Variants in RSF1 observed in about 807,000 individuals in gnomAD.
RSF1 encodes the protein HBV pX-associated protein 8.
RSF1 carries 13 observed loss-of-function variants against 145.2 expected under a neutral mutation model. That is an observed-to-expected ratio of 0.09 (90% confidence interval 0.06 to 0.14). The LOEUF (loss-of-function observed/expected upper bound fraction) is 0.14. Ranked by LOEUF, RSF1 falls within the 10% of genes least tolerant of loss-of-function variation. RSF1 has a pLI of 1.00. For missense variants in RSF1, 1,517 were observed against 1,718.2 expected, an observed-to-expected ratio of 0.88 and a Z score of 2.07; for synonymous variants, 577 against 592.6, an observed-to-expected ratio of 0.97 and a Z score of 0.38.
At chr11:77,760,084 A>G (rs1948156794) in intron 2 of RSF1, among the ~76,000 whole-genome samples, 1 of 152,198 alleles carries the variant, frequency 6.6e-6, no homozygotes, top group African/African-American at 2.4e-5. Flanking sequence ...AGTTATATAC[A>G]GGAGAGAAGT....
At chr11:77,756,704 TGTTAACCTCAG>T (rs1948119668) in intron 2 of RSF1, among the ~76,000 whole-genome samples, 1 of 152,198 alleles carries the variant, frequency 6.6e-6, no homozygotes, top group Admixed American at 6.5e-5. Context: ...TTGAAAGTAA[TGTTAACCTCAG>T]GAGGAAAGTA....
At position 77,807,350 on chromosome 11, in the gene RSF1, C is replaced by T. The variant is rs1028875224; in HGVS notation, c.187+13178G>A. ...AATTAGGTACTTGCTCATTTATATT[C>T]CCAAAGCACCCTAGAATTACTCTAA... On this transcript the variant is annotated intron_variant, in intron 1 of 15. Coordinates refer to ENST00000308488, the MANE Select transcript of RSF1 (RefSeq NM_016578.4). Among the ~76,000 whole-genome samples the T allele has an allele frequency of 2.6e-5, 4 of 152,146 alleles. No individual in the cohort carries two copies. The East Asian group carries it at 7.7e-4, about 29-fold the overall frequency.
chr11:77,735,562 G>C (rs1034938599), intron 4 of RSF1, among the ~76,000 whole-genome samples: 6 of 151,836 alleles, frequency 4.0e-5, no homozygotes, highest in Non-Finnish European at 8.8e-5. Context: ...CGATCACCAA[G>C]AAAATAATAC....
intron 4 of RSF1, among the ~76,000 whole-genome samples, chr11:77,738,061 G>A (rs556054640): frequency 1.3e-5 from 2 of 152,302 alleles, no homozygotes; most frequent in African/African-American, 2.4e-5. Flanking sequence ...CCCGGAAGGC[G>A]GAGCTTGCAG....
the RSF1 span, among the ~76,000 whole-genome samples, chr11:77,864,127 A>G: frequency 6.6e-6 from 1 of 151,862 alleles, no homozygotes; most frequent in East Asian, 2.0e-4. Context: ...GAGTTTCACC[A>G]TGTTTGCCAG....
chr11:77,711,483 AT>A (rs149546354), intron 5 of RSF1, among the ~76,000 whole-genome samples: 2,119 of 152,246 alleles, frequency 0.014, 49 homozygotes, highest in African/African-American at 0.047. Flanking sequence ...CCTGGCCAAC[AT>A]GGTGAAACAC....
chr11:77,676,264 A>C (rs1959698452), intron 13 of RSF1, among the ~76,000 whole-genome samples: 1 of 150,036 alleles, frequency 6.7e-6, no homozygotes, highest in Non-Finnish European at 1.5e-5. Flanking sequence ...TTTTAGTAGC[A>C]GTTATGCAGA....
At chr11:77,824,600 G>A (rs968955988), upstream of RSF1, among the ~76,000 whole-genome samples, 1 of 152,098 alleles carries the variant, frequency 6.6e-6, no homozygotes, top group Non-Finnish European at 1.5e-5. Context: ...AAAACATGTT[G>A]AGTAAAAGAA....
At chr11:77,849,038 C>CT in the RSF1 span, among the ~76,000 whole-genome samples, 157 of 140,116 alleles carry the variant, frequency 1.1e-3, no homozygotes, top group Admixed American at 1.6e-3. Context: ...AGTGGTGCTC[C>CT]TTTTTTTTTT....
chr11:77,772,798 T>C (rs955857053), intron 1 of RSF1, among the ~76,000 whole-genome samples: 2 of 149,428 alleles, frequency 1.3e-5, no homozygotes, highest in Non-Finnish European at 3.0e-5. Context: ...TCACACTCTT[T>C]TCAGACTGGA....
At chr11:77,795,127 T>C (rs1456951849) in intron 1 of RSF1, among the ~76,000 whole-genome samples, 2 of 151,858 alleles carry the variant, frequency 1.3e-5, no homozygotes, top group Non-Finnish European at 2.9e-5. Context: ...TACCTACAAA[T>C]ACATTTAAAC....
chr11:77,866,554 T>C, the RSF1 span: 1 of 152,192 alleles, frequency 6.6e-6, no homozygotes, highest in Admixed American at 6.5e-5. Flanking sequence ...AGTTCATCAC[T>C]TGAGTTCCAT....
At chr11:77,696,160 A>C (rs1960273023) in intron 7 of RSF1, among the ~76,000 whole-genome samples, 1 of 152,192 alleles carries the variant, frequency 6.6e-6, no homozygotes, top group African/African-American at 2.4e-5. Flanking sequence ...AACATAACCT[A>C]AATTTCAAAT....
chr11:77,830,987 C>CAAAAAAAAAAAAAAAAAAAAA, the RSF1 span, among the ~76,000 whole-genome samples: 1 of 100,514 alleles, frequency 9.9e-6, no homozygotes, highest in African/African-American at 3.7e-5. Flanking sequence ...CAAAATATAC[C>CAAAAAAAAAAAAAAAAAAAAA]AAAAAAAAAA....
chr11:77,779,484 G>C (rs1402211731), intron 1 of RSF1, among the ~76,000 whole-genome samples: 1 of 151,606 alleles, frequency 6.6e-6, no homozygotes, highest in East Asian at 1.9e-4. Context: ...CTGGGTTCAA[G>C]CCATTCTCCT....
chr11:77,665,160 A>G lies in RSF1; in HGVS notation c.*1757T>C, dbSNP rs563383276. On this transcript the variant is annotated 3_prime_UTR_variant, in exon 16 of 16. Coordinates refer to ENST00000308488, the MANE Select transcript of RSF1 (RefSeq NM_016578.4). The stretch of plus-strand genomic sequence containing the variant: ...CCTGTTGAAGAAGGAAAAGGAGTAT[A>G]AAGTTCCTAGAGAGGTATTTATAAT... The G allele has an allele frequency of 3.3e-5, 5 of 152,352 alleles. No homozygotes were observed. The highest frequency in any genetic ancestry group is 2.6e-4 in the Admixed American group (4 of 15,296). 9.4% of individuals were successfully genotyped at this position (152,352 alleles called of 1,614,324 possible). A position where few individuals can be genotyped will look rare whatever the true frequency, so the allele number is the denominator to read the frequency against.
intron 5 of RSF1, among the ~76,000 whole-genome samples, chr11:77,708,703 C>A (rs1401903628): frequency 6.6e-6 from 1 of 152,140 alleles, no homozygotes; most frequent in Non-Finnish European, 1.5e-5. Flanking sequence ...AGATTCAAAA[C>A]CAAAATTGTC....
Position 77,676,871 on chromosome 11 carries a change from G to A in RSF1, c.3262C>T (p.Arg1088Cys). 1.2e-6 allele frequency: 2 copies of A among 1,614,022 alleles called. No individual in the cohort carries two copies. The highest frequency in any genetic ancestry group is 1.7e-6 in the Non-Finnish European group (2 of 1,179,998). Residue 1088 changes from arginine (R) to cysteine (C), a missense_variant, in exon 13 of 16, where the codon CGC (arginine) becomes TGC (cysteine). Coordinates refer to ENST00000308488, the MANE Select transcript of RSF1 (RefSeq NM_016578.4). ...CTGTCCAGATCATTTAATCGCCGGCGTTTCTTCCTTCGAGCAGCAGCTGCC... is the reference window on the plus strand; with the variant it reads ...CTGTCCAGATCATTTAATCGCCGGCATTTCTTCCTTCGAGCAGCAGCTGCC... ...QRAAAARRKKRRRLNDLDSDS... is the reference protein window; with the variant it reads ...QRAAAARRKKCRRLNDLDSDS...
the RSF1 span, among the ~76,000 whole-genome samples, chr11:77,845,589 T>A: frequency 1.8e-3 from 270 of 152,068 alleles, 2 homozygotes; most frequent in Middle Eastern, 6.8e-3. Context: ...CCCCACCATG[T>A]CCAGCTCTTT....
Sources: gnomAD v4.1 joint callset for allele counts (sites outside exome capture counted in the v4.1 genomes callset) on GRCh38, gnomAD v4.1.1 for gene constraint, MANE v1.5 for transcripts, NCBI Gene and HGNC (gene_info 2026-07-23, HGNC 2026-07-21) for gene names.